RECQL5: variants seen among roughly 807,000 people sequenced by gnomAD.
RECQL5 encodes ATP-dependent DNA helicase Q5.
RECQL5 carries 88 observed loss-of-function variants against 103.4 expected under a neutral mutation model. The observed-to-expected ratio is 0.85, with a 90% CI of 0.72 to 1.02. The LOEUF is 1.02. Among genes scored for constraint, RECQL5 ranks in the 50% least tolerant of loss-of-function variants. The pLI, the probability that RECQL5 is intolerant of heterozygous loss-of-function variation, is 0.00. For synonymous variants in RECQL5, 552 were observed against 507.9 expected, an observed-to-expected ratio of 1.09 and a Z score of -1.17; for missense variants, 1,232 against 1,284.3, an observed-to-expected ratio of 0.96 and a Z score of 0.62.
chr17:75,664,444 A>T (rs372470196), intron 3 of RECQL5, among the ~76,000 whole-genome samples: 4 of 152,220 alleles, frequency 2.6e-5, no homozygotes. Flanking sequence ...GACTGAGTGT[A>T]TATGTGTGTA....
At chr17:75,664,338 T>C (rs941144955) in intron 3 of RECQL5, among the ~76,000 whole-genome samples, 1 of 152,198 alleles carries the variant, frequency 6.6e-6, no homozygotes, top group Non-Finnish European at 1.5e-5. Context: ...CTTACCAAAA[T>C]AAGCAGGACA....
Position 75,640,288 on chromosome 17 carries a change from C to A in RECQL5, c.1230-8620G>T, listed in dbSNP as rs117954398. Reference sequence around the variant, plus strand: ...TGCAGAGACTGCCCCAGGCTGAGCCCGTGGAGATCGTGGCCTTCTCAGTCA... The same window carrying A: ...TGCAGAGACTGCCCCAGGCTGAGCCAGTGGAGATCGTGGCCTTCTCAGTCA... On this transcript the variant is annotated intron_variant, in intron 8 of 19. Coordinates refer to ENST00000317905, the MANE Select transcript of RECQL5 (RefSeq NM_004259.7). This position sits in a 1 kb window ranked among gnomAD's most constrained non-coding sequence, Gnocchi z 4.6. 6.4e-7 allele frequency: 1 copy of A among 1,551,118 alleles called. No homozygotes were observed. The highest frequency in any genetic ancestry group is 8.7e-7 in the Non-Finnish European group (1 of 1,146,724).
In RECQL5 at chr17:75,664,092, T is replaced by C. The variant is rs543085283; in HGVS notation, c.252+959A>G. On this transcript the variant is annotated intron_variant, in intron 3 of 19. Coordinates refer to ENST00000317905, the MANE Select transcript of RECQL5 (RefSeq NM_004259.7). ...AAAAAAAGAAAGAAAGAAATTAATG[T>C]ATGTAAAGCACTTAGCACGAAGCCT... is the stretch of plus-strand genomic sequence containing the variant. Among the ~76,000 whole-genome samples, 9 of 150,610 alleles carry C rather than the reference T, an allele frequency of 6.0e-5. No homozygotes were observed. The East Asian group carries it at 1.4e-3, about 23-fold the overall frequency.
Position 75,658,380 on chromosome 17 carries a change from G to A in RECQL5, c.1067C>T (p.Pro356Leu). 1 of 1,614,114 alleles carries A rather than the reference G, an allele frequency of 6.2e-7. No homozygotes were observed. The highest frequency in any genetic ancestry group is 8.5e-7 in the Non-Finnish European group (1 of 1,179,992). ...ESGRAGRDGK[P>L]SWCRLYYSRN... ...GGAGTAATAGAGACGGCACCAGGAA[G>A]GCTTCCCATCCCTGCCAGCCCGGCC... is the stretch of plus-strand genomic sequence containing the variant. Residue 356 changes from proline to leucine, a missense_variant, in exon 7 of 20, where the codon CCT (proline) becomes CTT (leucine). By Grantham distance (98) the Pro-to-Leu change is moderately conservative. Transcript: ENST00000317905.
chr17:75,642,341 C>T (rs2059444455), intron 8 of RECQL5, among the ~76,000 whole-genome samples: 1 of 152,214 alleles, frequency 6.6e-6, no homozygotes, highest in Non-Finnish European at 1.5e-5. Flanking sequence ...CGTGCTCTGG[C>T]CACCTGGGAG....
At chr17:75,647,342 C>T (rs2059501213) in intron 8 of RECQL5, 1 of 1,519,284 alleles carries the variant, frequency 6.6e-7, no homozygotes, top group African/African-American at 1.4e-5. Flanking sequence ...GGGCTGCCTG[C>T]ACTCAGGTCC....
At position 75,630,170 on chromosome 17, in the gene RECQL5, T is replaced by C; in HGVS notation, c.1812+14A>G. 6.5e-7 allele frequency: 1 copy of C among 1,535,890 alleles called. No homozygotes were observed. The highest frequency in any genetic ancestry group is 8.8e-7 in the Non-Finnish European group (1 of 1,139,386). On this transcript the variant is annotated intron_variant, in intron 14 of 19. Transcript: ENST00000317905. The stretch of plus-strand genomic sequence containing the variant: ...CCCCTGCAACGACCCTGGGTCCGCC[T>C]GCACCAGGCCCACCTTCTTCAGCAC...
chr17:75,630,875 C>A, intron 11 of RECQL5, 38 bp from the exon 12 acceptor site: 1 of 1,522,316 alleles, frequency 6.6e-7, no homozygotes, highest in Non-Finnish European at 8.9e-7. Flanking sequence ...CCTTTCGCTC[C>A]ACCTTCTGCG....
chr17:75,662,543 G>A lies in RECQL5; in HGVS notation c.707C>T (p.Ser236Phe). The change falls in exon 4 of 20, where the codon TCT becomes TTT. Residue 236 changes from serine (S) to phenylalanine (F), a missense_variant. Coordinates refer to ENST00000317905, the MANE Select transcript of RECQL5 (RefSeq NM_004259.7). Reference protein sequence around the residue: ...FYDVQFKELISDPYGNLKDFC... With the variant: ...FYDVQFKELIFDPYGNLKDFC... ...GTCCTTCAGGTTCCCATAGGGATCA[G>A]AAATCAGTTCCTTGAATTGCACATC... 1 of 1,614,200 alleles carries A rather than the reference G, an allele frequency of 6.2e-7. No homozygotes were observed. Among genetic ancestry groups the A allele is most frequent in the Non-Finnish European group, 8.5e-7 (1 of 1,180,030 alleles).
In RECQL5 at chr17:75,640,627, TGGCATGGG is replaced by T. The variant is rs2059419170; in HGVS notation, c.1230-8967_1230-8960del. On this transcript the variant is annotated intron_variant, in intron 8 of 19. Transcript: ENST00000317905. This position sits in a 1 kb window ranked among gnomAD's most constrained non-coding sequence, Gnocchi z 4.6. ...CATGGAGGAGGTTGGCCCTGGCGGCTGGCATGGGGACCGTCCGCACCTCTCACCAGCCT... is the reference window on the plus strand; with the variant it reads ...CATGGAGGAGGTTGGCCCTGGCGGCTGACCGTCCGCACCTCTCACCAGCCT... Among the ~76,000 whole-genome samples, 1 of 152,104 alleles carries T rather than the reference TGGCATGGG, an allele frequency of 6.6e-6. No individual in the cohort carries two copies. Among genetic ancestry groups the T allele is most frequent in the Non-Finnish European group, 1.5e-5 (1 of 68,002 alleles).
In RECQL5 at chr17:75,630,764, C is replaced by T; in HGVS notation, c.1644+15G>A. The T allele has an allele frequency of 6.3e-7, 1 of 1,574,842 alleles. No homozygotes were observed. Among genetic ancestry groups the T allele is most frequent in the Non-Finnish European group, 8.6e-7 (1 of 1,158,934 alleles). On this transcript the variant is annotated intron_variant, in intron 12 of 19. Coordinates refer to ENST00000317905, the MANE Select transcript of RECQL5 (RefSeq NM_004259.7). ...AGGGCCCCGGCGGGTGGCTGAGGAG[C>T]TGCCCGTCTCTTACCTTCACAGTCA...
intron 8 of RECQL5, chr17:75,649,884 C>G (rs1320215472): frequency 1.0e-6 from 1 of 985,454 alleles, no homozygotes; most frequent in Non-Finnish European, 1.2e-6. Context: ...CACTGATGCA[C>G]TAAGAAGTCC....
chr17:75,630,852 G>GGTGGTCC lies in RECQL5; in HGVS notation c.1586-22_1586-16dup, dbSNP rs1555706072. On this transcript the variant is annotated splice_polypyrimidine_tract_variant and intron_variant, in intron 11 of 19. Transcript: ENST00000317905. Reference sequence around the variant, plus strand: ...ACAGTTCTCATCTGTGGGGGGGGGGGGTGGTCCTTGGTCCTTTCGCTCCAC... The same window carrying GGTGGTCC: ...ACAGTTCTCATCTGTGGGGGGGGGGGGTGGTCCGTGGTCCTTGGTCCTTTCGCTCCAC... The GGTGGTCC allele has an allele frequency of 3.5e-6, 5 of 1,433,562 alleles. No individual in the cohort carries two copies. Among genetic ancestry groups the GGTGGTCC allele is most frequent in the Non-Finnish European group, 4.7e-6 (5 of 1,060,288 alleles). The allele number at this position is 1,433,562 out of a possible 1,614,324, so 88.8% of individuals were successfully genotyped here. A position where few individuals can be genotyped will look rare whatever the true frequency, so the allele number is the denominator to read the frequency against.
chr17:75,647,603 C>T lies in RECQL5; in HGVS notation c.1229+3583G>A, dbSNP rs138897055. On this transcript the variant is annotated intron_variant, in intron 8 of 19. Coordinates refer to ENST00000317905, the MANE Select transcript of RECQL5 (RefSeq NM_004259.7). ...GGGACTGAGATGGCAGCAGGGGAGG[C>T]GAGCTGACCTGCCCCCATTCCAGTG... The T allele has an allele frequency of 1.4e-4, 212 of 1,540,402 alleles. No individual in the cohort carries two copies. The East Asian group carries it at 2.2e-3, about 16-fold the overall frequency.
chr17:75,658,119 C>T (rs746672960), intron 7 of RECQL5, among the ~76,000 whole-genome samples, 179 bp downstream of exon 7: 1 of 152,112 alleles, frequency 6.6e-6, no homozygotes, highest in Non-Finnish European at 1.5e-5. Flanking sequence ...AAGAAAAAGT[C>T]TAACCTAGCT....
chr17:75,640,435 A>G lies in RECQL5; in HGVS notation c.1230-8767T>C. 12 of 1,432,492 alleles carry G rather than the reference A, an allele frequency of 8.4e-6. No individual in the cohort carries two copies. The highest frequency in any genetic ancestry group is 1.1e-5 in the Non-Finnish European group (12 of 1,086,314). The allele number at this position is 1,432,492 out of a possible 1,614,324, so 88.7% of individuals were successfully genotyped here. ...AGAGGTGGCGGGTGTCTGCCGGATC[A>G]AGGAGGAAAACCAGTTGTCCCTTGG... On this transcript the variant is annotated intron_variant, in intron 8 of 19. Transcript: ENST00000317905. The surrounding 1 kb of genome is among the most constrained non-coding windows in gnomAD (Gnocchi z 4.6).
At chr17:75,639,542 GC>G (rs1250611000) in intron 8 of RECQL5, 1 of 152,326 alleles carries the variant, frequency 6.6e-6, no homozygotes, top group East Asian at 1.9e-4. Context: ...AGCAACCTGG[GC>G]CTCCTGACCC....
intron 8 of RECQL5, among the ~76,000 whole-genome samples, chr17:75,632,033 C>T (rs2059226297): frequency 6.6e-6 from 1 of 152,224 alleles, no homozygotes; most frequent in South Asian, 2.1e-4. Flanking sequence ...ACTTCACCTC[C>T]TAAAGCCCAT....
chr17:75,635,128 A>C (rs2059294600), intron 8 of RECQL5, among the ~76,000 whole-genome samples: 1 of 152,200 alleles, frequency 6.6e-6, no homozygotes. Flanking sequence ...TGAGAAACAA[A>C]AACAATGACC....
Sources: allele counts gnomAD v4.1 joint callset (sites outside exome capture counted in the v4.1 genomes callset), GRCh38; gene constraint gnomAD v4.1.1; non-coding constraint Gnocchi (gnomAD v3.1); transcripts MANE v1.5; gene names NCBI Gene and HGNC (gene_info 2026-07-23, HGNC 2026-07-21).